The following KIFAP3 variants were observed in gnomAD, a reference collection of about 807,000 sequenced individuals.
KIFAP3 encodes kinesin-associated protein 3.
Under a neutral mutation model 106.5 loss-of-function variants are expected in KIFAP3, and 68 were observed. That is an observed-to-expected ratio of 0.64 (90% CI 0.53 to 0.78). The LOEUF (loss-of-function observed/expected upper bound fraction) is 0.78. Among genes scored for constraint, KIFAP3 ranks in the 30% least tolerant of loss-of-function variants. The pLI, the probability that KIFAP3 is intolerant of heterozygous loss-of-function variation, is 0.00. For synonymous variants in KIFAP3, 320 were observed against 311.5 expected (o/e 1.03, Z -0.29); for missense variants, 780 against 941.8 (o/e 0.83, Z 2.25).
intron 10 of KIFAP3, among the ~76,000 whole-genome samples, chr1:170,010,676 A>T (rs1478206390): frequency 6.6e-6 from 1 of 152,036 alleles, no homozygotes; most frequent in African/African-American, 2.4e-5. Context: ...GGAAACTGAG[A>T]AGCAGATTAA....
Position 170,034,357 on chromosome 1 carries a change from A to G in KIFAP3, c.742+15T>C. 1.9e-6 allele frequency: 3 copies of G among 1,599,270 alleles called. No homozygotes were observed. The highest frequency in any genetic ancestry group is 1.7e-4 in the Middle Eastern group (1 of 6,014). On this transcript the variant is annotated intron_variant, in intron 7 of 19. Transcript: ENST00000361580. ...AAAGACAACAGACGGTTCAAATGCC[A>G]CTCTAAAAGGATATCAGCTTTCTTC... is the stretch of plus-strand genomic sequence containing the variant.
At chr1:169,925,943 A>G (rs985802951) in intron 19 of KIFAP3, among the ~76,000 whole-genome samples, 6 of 152,200 alleles carry the variant, frequency 3.9e-5, no homozygotes, top group African/African-American at 1.4e-4. Context: ...TAGGTCAGCA[A>G]TATCAATGTA....
At chr1:170,010,574 T>C (rs1668193059) in intron 10 of KIFAP3, among the ~76,000 whole-genome samples, 1 of 151,960 alleles carries the variant, frequency 6.6e-6, no homozygotes, top group Non-Finnish European at 1.5e-5. Flanking sequence ...TTTTTTCAGT[T>C]TGTTTTCCAA....
chr1:169,968,861 A>G (rs1558205486), intron 17 of KIFAP3, among the ~76,000 whole-genome samples: 1 of 151,786 alleles, frequency 6.6e-6, no homozygotes, highest in Non-Finnish European at 1.5e-5. Context: ...CATAACAGGT[A>G]GGAAACACAC....
At position 170,038,319 on chromosome 1, in the gene KIFAP3, G is replaced by A; in HGVS notation, c.488C>T (p.Pro163Leu). 6.2e-7 allele frequency: 1 copy of A among 1,604,038 alleles called. No individual in the cohort carries two copies. The highest frequency in any genetic ancestry group is 1.7e-4 in the Middle Eastern group (1 of 6,018). Reference sequence around the variant, plus strand: ...CAATAGTAGTTCTTCCAAGTTATCAGGATTTCGAGCAAGCTGCAGGATCAA... The same window carrying A: ...CAATAGTAGTTCTTCCAAGTTATCAAGATTTCGAGCAAGCTGCAGGATCAA... ...SALILQLARN[P>L]DNLEELLLNE... Residue 163 changes from proline (P) to leucine (L), a missense_variant, in exon 5 of 20, where the codon CCT (proline) becomes CTT (leucine). Coordinates refer to ENST00000361580, the MANE Select transcript of KIFAP3 (RefSeq NM_014970.4).
At chr1:170,078,720 T>C (rs1183604536), upstream of KIFAP3, among the ~76,000 whole-genome samples, 17 of 152,190 alleles carry the variant, frequency 1.1e-4, no homozygotes, top group Admixed American at 1.1e-3. Flanking sequence ...CACTTATGCA[T>C]TCTACCAAGC....
At chr1:170,011,275 A>T (rs1668229228) in intron 10 of KIFAP3, among the ~76,000 whole-genome samples, 1 of 151,994 alleles carries the variant, frequency 6.6e-6, no homozygotes, top group African/African-American at 2.4e-5. Context: ...AGAAACAGTG[A>T]TATTTCTGAA....
At position 169,988,625 on chromosome 1, in the gene KIFAP3, G is replaced by A. The variant is rs182395659; in HGVS notation, c.1284+3530C>T. On this transcript the variant is annotated intron_variant, in intron 11 of 19. Transcript: ENST00000361580. ...ATTGATATTATATACATTACTTTGA[G>A]TAGCCAATACCTCTAAAGGAGTACC... Among the ~76,000 whole-genome samples the A allele has an allele frequency of 7.5e-3, 1,139 of 152,024 alleles. 12 individuals are homozygous for A. Among genetic ancestry groups the A allele is most frequent in the African/African-American group, 0.026 (1,077 of 41,514 alleles).
At chr1:170,002,093 T>C (rs1571639805) in intron 10 of KIFAP3, among the ~76,000 whole-genome samples, 1 of 152,284 alleles carries the variant, frequency 6.6e-6, no homozygotes, top group South Asian at 2.1e-4. Context: ...CAACAGTATC[T>C]GCTCTGGTGA....
chr1:169,937,609 G>A (rs1041363986), intron 19 of KIFAP3, among the ~76,000 whole-genome samples: 4 of 151,664 alleles, frequency 2.6e-5, no homozygotes, highest in African/African-American at 9.7e-5. Flanking sequence ...AAAATATTCT[G>A]ATTATCCTCT....
chr1:169,987,762 C>A (rs1204522183), intron 11 of KIFAP3, among the ~76,000 whole-genome samples: 1 of 151,966 alleles, frequency 6.6e-6, no homozygotes, highest in Non-Finnish European at 1.5e-5. Context: ...TAAATAACAC[C>A]ATGACATCAC....
chr1:170,067,252 T>C (rs1413783111), intron 1 of KIFAP3, among the ~76,000 whole-genome samples: 1 of 151,630 alleles, frequency 6.6e-6, no homozygotes, highest in African/African-American at 2.4e-5. Flanking sequence ...AGAAAAAAGG[T>C]GAGAGAGAAT....
intron 3 of KIFAP3, among the ~76,000 whole-genome samples, chr1:170,046,232 A>G (rs1029499083): frequency 2.0e-5 from 3 of 148,538 alleles, no homozygotes; most frequent in Non-Finnish European, 4.5e-5. Context: ...AAAAAAAAGG[A>G]AACAGAGAAA....
intron 10 of KIFAP3, among the ~76,000 whole-genome samples, chr1:169,998,977 A>G (rs1182433380): frequency 6.6e-6 from 1 of 152,202 alleles, no homozygotes; most frequent in East Asian, 1.9e-4. Context: ...ATGTCTGGCA[A>G]TAACCTGAAT....
At chr1:169,962,895 A>G (rs2101867791) in intron 17 of KIFAP3, among the ~76,000 whole-genome samples, 2 of 152,280 alleles carry the variant, frequency 1.3e-5, no homozygotes, top group African/African-American at 4.8e-5. Context: ...GGTAGAGGAT[A>G]TTTTTTGACT....
chr1:169,938,074 T>G (rs516793), intron 19 of KIFAP3, among the ~76,000 whole-genome samples: 39,035 of 151,830 alleles, frequency 0.26, 5,329 homozygotes, highest in Middle Eastern at 0.32. Context: ...TTAAAGTAGA[T>G]GGACTAGAAA....
chr1:169,952,479 A>G (rs1286486449), intron 19 of KIFAP3, among the ~76,000 whole-genome samples: 1 of 152,114 alleles, frequency 6.6e-6, no homozygotes, highest in South Asian at 2.1e-4. Flanking sequence ...GTATAGGTAG[A>G]TACATGTATA....
At chr1:169,974,567 GA>G (rs964371323) in intron 16 of KIFAP3, among the ~76,000 whole-genome samples, 7 of 151,358 alleles carry the variant, frequency 4.6e-5, no homozygotes, top group Non-Finnish European at 1.0e-4. Context: ...TTAAAATGTA[GA>G]AAAAATATAT....
intron 2 of KIFAP3, 36 bp downstream of exon 2, chr1:170,055,269 C>T: frequency 6.4e-7 from 1 of 1,563,768 alleles, no homozygotes; most frequent in Non-Finnish European, 8.7e-7. Context: ...ATATAATGTT[C>T]ACTACTTTCA....
Sources: allele counts gnomAD v4.1 joint callset (sites outside exome capture counted in the v4.1 genomes callset), GRCh38; gene constraint gnomAD v4.1.1; transcripts MANE v1.5; gene names NCBI Gene and HGNC (gene_info 2026-07-23, HGNC 2026-07-21).